Variants in FBN2 observed in about 807,000 individuals in gnomAD.
The protein encoded by FBN2 is fibrillin-2.
A neutral mutation model predicts 355.6 loss-of-function variants in FBN2; 105 were observed. The ratio of observed to expected loss-of-function variants is 0.30; its 90% CI spans 0.25 to 0.35. FBN2 has a LOEUF of 0.35. FBN2 is among the 10% of genes least tolerant of loss of function. The probability of loss-of-function intolerance (pLI) is 1.00; values close to 1 mark genes in which losing one functional copy is unlikely to be tolerated. For missense variants in FBN2, 3,280 were observed against 3,758.7 expected (o/e 0.87, Z 3.33); for synonymous variants, 1,350 against 1,301.2 (o/e 1.04, Z -0.81).
chr5:128,351,869 C>CTT (rs554504775), intron 20 of FBN2, among the ~76,000 whole-genome samples: 5 of 146,446 alleles, frequency 3.4e-5, no homozygotes, highest in Non-Finnish European at 7.6e-5. Context: ...CCCCGCCCTT[C>CTT]TTTTTTTTTT....
At chr5:128,536,262 G>A (rs1013285191) in intron 2 of FBN2, 140 bp downstream of exon 2, 5 of 722,326 alleles carry the variant, frequency 6.9e-6, no homozygotes, top group African/African-American at 1.7e-5. Flanking sequence ...TATTCAAATG[G>A]GGCCGCGTCC....
intron 5 of FBN2, among the ~76,000 whole-genome samples, chr5:128,491,880 C>T (rs1755514951): frequency 6.6e-6 from 1 of 152,104 alleles, no homozygotes; most frequent in Non-Finnish European, 1.5e-5. Flanking sequence ...AAAAGAGGTA[C>T]TTTTTTGAGC....
chr5:128,471,893 A>G (rs991285523), intron 5 of FBN2, among the ~76,000 whole-genome samples: 1 of 152,220 alleles, frequency 6.6e-6, no homozygotes, highest in Non-Finnish European at 1.5e-5. Context: ...GTACCTAAGA[A>G]AGCACTTTAA....
intron 6 of FBN2, among the ~76,000 whole-genome samples, chr5:128,447,580 G>A (rs546434382): frequency 4.1e-4 from 63 of 152,104 alleles, no homozygotes; most frequent in African/African-American, 1.3e-3. Context: ...ATGCATGCCC[G>A]AAACTTCATT....
intron 34 of FBN2, among the ~76,000 whole-genome samples, chr5:128,322,984 C>A (rs1750426445): frequency 6.6e-6 from 1 of 152,176 alleles, no homozygotes; most frequent in South Asian, 2.1e-4. Context: ...AGAGGCCCTT[C>A]ACATCCCTTG....
At chr5:128,445,924 T>C (rs542508028) in intron 7 of FBN2, among the ~76,000 whole-genome samples, 78 of 152,290 alleles carry the variant, frequency 5.1e-4, no homozygotes, top group Middle Eastern at 6.8e-3. Context: ...TGCAGAAAAG[T>C]ATTAGGTTTT....
Position 128,369,346 on chromosome 5 carries a change from A to T in FBN2, c.2096-12T>A. The T allele has an allele frequency of 1.2e-6, 2 of 1,613,996 alleles. No individual in the cohort carries two copies. Among genetic ancestry groups the T allele is most frequent in the Non-Finnish European group, 1.7e-6 (2 of 1,179,946 alleles). On this transcript the variant is annotated splice_polypyrimidine_tract_variant and intron_variant, in intron 15 of 64. Transcript: ENST00000262464. The stretch of plus-strand genomic sequence containing the variant: ...GCGCATGTGAGTATCTAAAGGAGAT[A>T]CAAAAACAATGACTTGAGGCAGTGA...
intron 6 of FBN2, among the ~76,000 whole-genome samples, chr5:128,447,008 T>G (rs926967403): frequency 2.6e-5 from 4 of 152,220 alleles, no homozygotes; most frequent in African/African-American, 9.6e-5. Context: ...ACATAAATTG[T>G]GAAGATTTCA....
At chr5:128,361,902 G>C in intron 18 of FBN2, 54 bp from the exon 19 acceptor site, 1 of 1,548,226 alleles carries the variant, frequency 6.5e-7, no homozygotes, top group Non-Finnish European at 8.9e-7. Flanking sequence ...ATCTATTACA[G>C]TGGGCAGCAA....
chr5:128,273,799 T>G lies in FBN2; in HGVS notation c.7840+41A>C, dbSNP rs758493432. On this transcript the variant is annotated intron_variant, in intron 61 of 64. Transcript: ENST00000262464. ...TTGGAAGTTAAAAATATATATGGTT[T>G]ACTGTTATTAGATTAAGAATTTTTG... The G allele has an allele frequency of 1.9e-6, 3 of 1,592,836 alleles. No homozygotes were observed. The Admixed American group carries it at 5.0e-5, about 27-fold the overall frequency.
chr5:128,381,595 T>C (rs1212989226), intron 11 of FBN2, among the ~76,000 whole-genome samples: 2 of 152,150 alleles, frequency 1.3e-5, no homozygotes, highest in African/African-American at 4.8e-5. Flanking sequence ...AATTAGAGTA[T>C]AGGATTAAAA....
At chr5:128,364,554 T>C (rs758850995) in intron 18 of FBN2, 46 bp downstream of exon 18, 1 of 1,574,350 alleles carries the variant, frequency 6.4e-7, no homozygotes, top group Non-Finnish European at 8.7e-7. Context: ...ATCCATGGGA[T>C]TAAACTATAT....
At chr5:128,348,831 G>T (rs1216143538) in intron 23 of FBN2, among the ~76,000 whole-genome samples, 1 of 152,114 alleles carries the variant, frequency 6.6e-6, no homozygotes, top group Non-Finnish European at 1.5e-5. Context: ...GCTGTTGAAA[G>T]AAAGAGATTC....
chr5:128,309,232 G>A lies in FBN2; in HGVS notation c.5353+15C>T, dbSNP rs766614157. ...CTGATGTGGCAGTCAGCAGATGCAC[G>A]AGCCGTGTGCTTACCTGTTCCTGGA... On this transcript the variant is annotated intron_variant, in intron 41 of 64. Coordinates refer to ENST00000262464, the MANE Select transcript of FBN2 (RefSeq NM_001999.4). The A allele has an allele frequency of 6.8e-6, 11 of 1,613,546 alleles. No homozygotes were observed. Among genetic ancestry groups the A allele is most frequent in the East Asian group, 2.2e-5 (1 of 44,880 alleles).
At position 128,349,962 on chromosome 5, in the gene FBN2, C is replaced by A. The variant is rs556038110; in HGVS notation, c.2856G>T (p.Thr952=). Residue 952 remains threonine, a synonymous_variant, in exon 22 of 65, where the codon ACG becomes ACT. Coordinates refer to ENST00000262464, the MANE Select transcript of FBN2 (RefSeq NM_001999.4). ...AAGGAAGGATACACTCACCTTCACA[C>A]GTAACACCTTTAATCCTGGCAAGCC... The part of the protein sequence containing the change: ...PRGLARIKGV[T]CEDVNECEVF... The A allele has an allele frequency of 2.3e-5, 37 of 1,613,178 alleles. No individual in the cohort carries two copies. In the East Asian group the frequency reaches 7.4e-4, roughly 32 times the overall value.
At chr5:128,464,700 T>G in intron 6 of FBN2, 24 bp downstream of exon 6, 1 of 1,608,700 alleles carries the variant, frequency 6.2e-7, no homozygotes, top group Non-Finnish European at 8.5e-7. Context: ...TGCGATGGTG[T>G]GCACAGGCAG....
At chr5:128,281,207 C>G (rs185692860) in intron 55 of FBN2, among the ~76,000 whole-genome samples, 1 of 152,082 alleles carries the variant, frequency 6.6e-6, no homozygotes, top group Non-Finnish European at 1.5e-5. Context: ...ATCTTTTAAC[C>G]AGCAGTTTAA....
At chr5:128,283,373 G>A (rs912786710) in intron 55 of FBN2, among the ~76,000 whole-genome samples, 2 of 152,138 alleles carry the variant, frequency 1.3e-5, no homozygotes, top group African/African-American at 4.8e-5. Flanking sequence ...TAATGTGTGT[G>A]CTCCACTGAA....
intron 11 of FBN2, 21 bp downstream of exon 11, chr5:128,391,997 A>G (rs1209871910): frequency 5.6e-6 from 9 of 1,609,340 alleles, no homozygotes. Flanking sequence ...AAGAAGGATT[A>G]TTAAAGAATC....
Sources: allele counts gnomAD v4.1 joint callset (sites outside exome capture counted in the v4.1 genomes callset), GRCh38; gene constraint gnomAD v4.1.1; transcripts MANE v1.5; gene names NCBI Gene and HGNC (gene_info 2026-07-23, HGNC 2026-07-21).